The following NBPF11 variants were observed in gnomAD, a reference collection of about 807,000 sequenced individuals.
The protein encoded by NBPF11 is NBPF family member NBPF11.
NBPF11 carries 72 observed loss-of-function variants against 93.9 expected under a neutral mutation model. The ratio of observed to expected loss-of-function variants is 0.77; its 90% CI spans 0.63 to 0.93. NBPF11 has a LOEUF of 0.93. NBPF11 is among the 40% of genes least tolerant of loss of function. The probability of loss-of-function intolerance (pLI) is 0.00; values close to 1 mark genes in which losing one functional copy is unlikely to be tolerated. For synonymous variants in NBPF11, 224 were observed against 304.9 expected, an observed-to-expected ratio of 0.73 and a Z score of 2.76; for missense variants, 705 against 802.2, an observed-to-expected ratio of 0.88 and a Z score of 1.46.
intron 4 of NBPF11, among the ~76,000 whole-genome samples, chr1:148,128,835 G>A (rs1259844175): frequency 3.2e-4 from 48 of 150,260 alleles, no homozygotes; most frequent in Non-Finnish European, 6.0e-4. Flanking sequence ...ACTCAAAATC[G>A]TTTTACTTAA....
chr1:148,141,466 T>C (rs1310810830), intron 2 of NBPF11, among the ~76,000 whole-genome samples: 20 of 152,092 alleles, frequency 1.3e-4, no homozygotes, highest in Admixed American at 1.2e-3. Flanking sequence ...TTCTAAAAAA[T>C]AACATCTATT....
chr1:148,138,973 C>T (rs1276139740), intron 2 of NBPF11, among the ~76,000 whole-genome samples: 2 of 151,184 alleles, frequency 1.3e-5, no homozygotes, highest in African/African-American at 2.5e-5. Flanking sequence ...CGCCTGTAAT[C>T]CCAGCTATTC....
At chr1:148,108,777 G>A (rs1664456828) in intron 17 of NBPF11, 123 bp from the exon 18 acceptor site, 4 of 701,048 alleles carry the variant, frequency 5.7e-6, no homozygotes, top group South Asian at 1.5e-5. Flanking sequence ...CCATTAATGA[G>A]GTAACAAATT....
chr1:148,108,206 G>T (rs1485206084), intron 18 of NBPF11, among the ~76,000 whole-genome samples: 1 of 151,290 alleles, frequency 6.6e-6, no homozygotes, highest in Non-Finnish European at 1.5e-5. Context: ...AATCAGAGTT[G>T]TGTGAATTTG....
intron 5 of NBPF11, among the ~76,000 whole-genome samples, chr1:148,125,735 T>C (rs1668964181): frequency 1.3e-5 from 2 of 152,000 alleles, no homozygotes; most frequent in East Asian, 3.9e-4. Context: ...CCTCATGTAA[T>C]TCATTGCAGC....
intron 1 of NBPF11, among the ~76,000 whole-genome samples, chr1:148,151,405 G>A (rs1279433077): frequency 3.3e-5 from 5 of 151,998 alleles, no homozygotes; most frequent in Non-Finnish European, 5.9e-5. Context: ...CAGAAAGAAC[G>A]GCCTCGAGGG....
chr1:148,111,652 C>T (rs1665302703), intron 15 of NBPF11, among the ~76,000 whole-genome samples: 2 of 151,192 alleles, frequency 1.3e-5, no homozygotes, highest in Admixed American at 1.3e-4. Flanking sequence ...GAAACGGTAT[C>T]AGTGATTCAA....
chr1:148,124,426 C>A (rs1160879494), intron 6 of NBPF11, among the ~76,000 whole-genome samples: 9 of 148,542 alleles, frequency 6.1e-5, no homozygotes, highest in African/African-American at 2.0e-4. Context: ...CCACTAGATA[C>A]AAAGCCATGT....
intron 8 of NBPF11, 58 bp downstream of exon 8, chr1:148,122,671 C>G: frequency 6.2e-7 from 1 of 1,600,210 alleles, no homozygotes; most frequent in Non-Finnish European, 8.6e-7. Context: ...GAGGGCGTGC[C>G]TCCTAGACAT....
intron 1 of NBPF11, among the ~76,000 whole-genome samples, chr1:148,148,393 C>A (rs1487107970): frequency 6.6e-6 from 1 of 152,120 alleles, no homozygotes; most frequent in Non-Finnish European, 1.5e-5. Flanking sequence ...AGGTGGGTCC[C>A]GCGTGCTTGG....
At chr1:148,120,885 C>T (rs1250591788) in intron 9 of NBPF11, among the ~76,000 whole-genome samples, 175 bp from the exon 10 acceptor site, 6 of 151,988 alleles carry the variant, frequency 3.9e-5, no homozygotes, top group Non-Finnish European at 8.8e-5. Flanking sequence ...CTTGTCTTAG[C>T]TATGCAGTCA....
chr1:148,119,863 C>T lies in NBPF11; in HGVS notation c.988+638G>A, dbSNP rs1313595170. ...TGGAGATGGGGTTTCTCCATGTTGCCCAGGCTGGTCTCAAACTCCTGACCT... is the reference window on the plus strand; with the variant it reads ...TGGAGATGGGGTTTCTCCATGTTGCTCAGGCTGGTCTCAAACTCCTGACCT... On this transcript the variant is annotated intron_variant, in intron 10 of 23. Transcript: ENST00000682118. Among the ~76,000 whole-genome samples the T allele has an allele frequency of 2.0e-5, 3 of 151,978 alleles. No individual in the cohort carries two copies. In the East Asian group the frequency reaches 5.8e-4, roughly 29 times the overall value.
chr1:148,124,589 T>A (rs1460080174), intron 6 of NBPF11, among the ~76,000 whole-genome samples: 2 of 151,590 alleles, frequency 1.3e-5, no homozygotes, highest in African/African-American at 4.9e-5. Flanking sequence ...GGGGTGGCAA[T>A]AGCACACCAT....
intron 2 of NBPF11, among the ~76,000 whole-genome samples, chr1:148,143,025 G>A (rs1489806896): frequency 2.6e-5 from 4 of 152,002 alleles, no homozygotes; most frequent in Admixed American, 6.5e-5. Flanking sequence ...GGACAGGGAG[G>A]GGGTGAGCCA....
intron 4 of NBPF11, among the ~76,000 whole-genome samples, chr1:148,132,220 C>G (rs1451466461): frequency 4.4e-4 from 50 of 114,430 alleles, no homozygotes; most frequent in Non-Finnish European, 7.4e-4. Flanking sequence ...TATATACACA[C>G]ACACACACAC....
chr1:148,122,736 C>A lies in NBPF11; in HGVS notation c.559G>T (p.Ala187Ser), dbSNP rs75976444. The change falls in exon 8 of 24, where the codon GCC (alanine) becomes TCC (serine). Residue 187 changes from alanine to serine, a missense_variant. Coordinates refer to ENST00000682118, the MANE Select transcript of NBPF11 (RefSeq NM_001385469.3). ...CTGAGTATTCAATGTTACCTGGGGGCAGATGATTCCAGTACTTTCTCATCC... is the reference window on the plus strand; with the variant it reads ...CTGAGTATTCAATGTTACCTGGGGGAAGATGATTCCAGTACTTTCTCATCC... The part of the protein sequence containing the change: ...EEDEKVLESS[A>S]PREVQKAEES... The A allele has an allele frequency of 3.7e-6, 6 of 1,609,416 alleles. No homozygotes were observed. The East Asian group carries it at 1.1e-4, about 30-fold the overall frequency.
Position 148,103,524 on chromosome 1 carries a change from C to T in NBPF11, c.*372G>A. ...CAGACTGAGCACAGGTTGCCACTGG[C>T]ATGCTCTGAGAATAGGAATAGAGCC... On this transcript the variant is annotated 3_prime_UTR_variant, in exon 24 of 24. Transcript: ENST00000682118. The T allele has an allele frequency of 6.8e-7, 1 of 1,467,688 alleles. No homozygotes were observed. Among genetic ancestry groups the T allele is most frequent in the Non-Finnish European group, 9.3e-7 (1 of 1,077,978 alleles). The allele number at this position is 1,467,688 out of a possible 1,614,324, so 90.9% of individuals were successfully genotyped here.
At chr1:148,105,722 A>ATG (rs1663398994) in intron 21 of NBPF11, among the ~76,000 whole-genome samples, 194 bp from the exon 22 acceptor site, 1 of 392 alleles carries the variant, frequency 2.6e-3, no homozygotes, top group Non-Finnish European at 0.02. Flanking sequence ...AGAAAGACAG[A>ATG]CACACACACA....
intron 4 of NBPF11, among the ~76,000 whole-genome samples, chr1:148,130,846 C>T (rs1339900662): frequency 6.6e-5 from 10 of 151,816 alleles, no homozygotes; most frequent in South Asian, 4.1e-4. Context: ...ACTTCAGGTC[C>T]GTTTGCATTT....
Sources: gnomAD v4.1 joint callset for allele counts (sites outside exome capture counted in the v4.1 genomes callset) on GRCh38, gnomAD v4.1.1 for gene constraint, MANE v1.5 for transcripts, NCBI Gene and HGNC (gene_info 2026-07-23, HGNC 2026-07-21) for gene names.